IGSF21: variants seen among roughly 807,000 people sequenced by gnomAD.
IGSF21 encodes immunoglobin superfamily member 21.
A neutral mutation model predicts 46.8 loss-of-function variants in IGSF21; 28 were observed. That is an observed-to-expected ratio of 0.60 (90% CI 0.44 to 0.82). The LOEUF is 0.82. IGSF21 is among the 40% of genes least tolerant of loss of function. IGSF21 has a pLI of 0.00. For missense variants in IGSF21, 624 were observed against 665.5 expected (o/e 0.94, Z 0.69); for synonymous variants, 284 against 273.6 (o/e 1.04, Z -0.38).
chr1:18,259,085 T>A (rs2084917360), intron 2 of IGSF21, among the ~76,000 whole-genome samples: 1 of 151,848 alleles, frequency 6.6e-6, no homozygotes, highest in Non-Finnish European at 1.5e-5. Context: ...GGCCTTTAGG[T>A]GAATAAATAA....
At chr1:18,377,708 G>A (rs1355037852) in intron 9 of IGSF21, among the ~76,000 whole-genome samples, 2 of 152,208 alleles carry the variant, frequency 1.3e-5, no homozygotes, top group African/African-American at 4.8e-5. Context: ...GGCCCTCTTA[G>A]CTCAGAGCTT....
At chr1:18,280,522 T>G (rs959757458) in intron 2 of IGSF21, among the ~76,000 whole-genome samples, 1 of 152,200 alleles carries the variant, frequency 6.6e-6, no homozygotes, top group Non-Finnish European at 1.5e-5. Context: ...TTATAGCATG[T>G]GTACTATGTG....
intron 3 of IGSF21, among the ~76,000 whole-genome samples, chr1:18,298,438 C>T (rs1053818310): frequency 8.5e-5 from 13 of 152,132 alleles, no homozygotes; most frequent in Admixed American, 3.3e-4. Flanking sequence ...CTTGGAGGTC[C>T]GGGTGAATCA....
chr1:18,159,717 C>T (rs1351919892), intron 1 of IGSF21, among the ~76,000 whole-genome samples: 1 of 146,132 alleles, frequency 6.8e-6, no homozygotes, highest in Non-Finnish European at 1.5e-5. Flanking sequence ...GAGTCTCGCT[C>T]TGTCACCCAG....
intron 2 of IGSF21, among the ~76,000 whole-genome samples, chr1:18,263,480 C>T (rs551559648): frequency 6.6e-6 from 1 of 152,044 alleles, no homozygotes; most frequent in African/African-American, 2.4e-5. Flanking sequence ...TCATTTTTGC[C>T]TCTCACTCGC....
chr1:18,323,550 A>G (rs942200110), intron 3 of IGSF21, among the ~76,000 whole-genome samples: 3 of 152,204 alleles, frequency 2.0e-5, no homozygotes, highest in Non-Finnish European at 4.4e-5. Context: ...GAGCTAAGGC[A>G]GCTGGGCCGC....
intron 3 of IGSF21, among the ~76,000 whole-genome samples, chr1:18,330,351 T>C (rs893416586): frequency 3.3e-5 from 5 of 152,248 alleles, no homozygotes; most frequent in Admixed American, 3.3e-4. Flanking sequence ...TGTCAGATGG[T>C]AACAGGGGAA....
At chr1:18,331,488 A>C (rs916188619) in intron 3 of IGSF21, among the ~76,000 whole-genome samples, 4 of 152,206 alleles carry the variant, frequency 2.6e-5, no homozygotes, top group Admixed American at 1.3e-4. Flanking sequence ...TATATACCAC[A>C]GTTTTTTAAT....
In IGSF21 at chr1:18,298,948, T is replaced by A. The variant is rs145696517; in HGVS notation, c.305+6961T>A. 8.4e-3 allele frequency among the ~76,000 whole-genome samples: 1,276 copies of A among 152,212 alleles called. 15 individuals carry two copies. The highest frequency in any genetic ancestry group is 0.029 in the African/African-American group (1,202 of 41,516). ...AAAGGAACAATAAATATTTGTGGAA[T>A]GAAAAGAGAGAAAGGGGAGATAAAA... On this transcript the variant is annotated intron_variant, in intron 3 of 9. Transcript: ENST00000251296.
chr1:18,378,268 C>A lies in IGSF21; in HGVS notation c.1346C>A (p.Pro449His). 1 of 1,614,044 alleles carries A rather than the reference C, an allele frequency of 6.2e-7. No individual in the cohort carries two copies. The highest frequency in any genetic ancestry group is 8.5e-7 in the Non-Finnish European group (1 of 1,179,948). The change falls in exon 10 of 10, where the codon CCC becomes CAC. Residue 449 changes from proline (P) to histidine (H), a missense_variant. By Grantham distance (77) the Pro-to-His change is moderately conservative. Transcript: ENST00000251296. ...GTEDSNGSIGPTGARLTLVLA... is the reference protein window; with the variant it reads ...GTEDSNGSIGHTGARLTLVLA... ...ATTCCTGGCACAGGTTCCATTGGCC[C>A]CACTGGTGCCCGGCTCACCTTGGTG... is the stretch of plus-strand genomic sequence containing the variant.
chr1:18,182,927 AC>A (rs1481123045), intron 1 of IGSF21, among the ~76,000 whole-genome samples: 1 of 152,112 alleles, frequency 6.6e-6, no homozygotes, highest in Admixed American at 6.5e-5. Flanking sequence ...GATGAATCAC[AC>A]GAGGCCTGGT....
chr1:18,178,947 C>G (rs79291157), intron 1 of IGSF21: 1 of 152,004 alleles, frequency 6.6e-6, no homozygotes, highest in Non-Finnish European at 1.5e-5. Flanking sequence ...CAGAAGCCTC[C>G]GACAGCTGAG....
chr1:18,280,796 A>G lies in IGSF21; in HGVS notation c.184-11070A>G, dbSNP rs545433721. ...TTGTCCTGAACCCCCCTCACTCTCT[A>G]CCCAAGCCTTGCCTTCTTGTTGATG... On this transcript the variant is annotated intron_variant, in intron 2 of 9. Transcript: ENST00000251296. Among the ~76,000 whole-genome samples the G allele has an allele frequency of 2.7e-5, 4 of 150,378 alleles. No homozygotes were observed. In the South Asian group the frequency reaches 8.6e-4, roughly 32 times the overall value.
chr1:18,223,686 G>C (rs1373636066), intron 1 of IGSF21, among the ~76,000 whole-genome samples: 1 of 152,236 alleles, frequency 6.6e-6, no homozygotes, highest in Non-Finnish European at 1.5e-5. Flanking sequence ...AGAGGCAGAT[G>C]TGCAAACAGA....
intron 1 of IGSF21, among the ~76,000 whole-genome samples, chr1:18,225,081 T>TCACACACA (rs1254329422): frequency 3.2e-5 from 1 of 31,136 alleles, no homozygotes; most frequent in African/African-American, 5.8e-5. Flanking sequence ...TCTCTCTCTC[T>TCACACACA]CTCTCACACA....
intron 2 of IGSF21, among the ~76,000 whole-genome samples, chr1:18,254,032 A>G (rs1353165417): frequency 2.0e-5 from 3 of 152,212 alleles, no homozygotes; most frequent in African/African-American, 4.8e-5. Flanking sequence ...TAAGCATTTT[A>G]GACGTGATCT....
In IGSF21 at chr1:18,334,788, G is replaced by T. The variant is rs980808471; in HGVS notation, c.306-104G>T. ...CAGCCCAGCACACAGGCCTGTGTTT[G>T]TTAGTGGAGGCTGCACCAGTGGGCA... On this transcript the variant is annotated intron_variant, in intron 3 of 9. Transcript: ENST00000251296. The surrounding 1 kb of genome is among the most constrained non-coding windows in gnomAD (Gnocchi z 4.3). 7.5e-6 allele frequency: 6 copies of T among 804,840 alleles called. No individual in the cohort carries two copies. The highest frequency in any genetic ancestry group is 1.7e-5 in the African/African-American group (1 of 59,744). The allele number at this position is 804,840 out of a possible 1,614,324, so 49.9% of individuals were successfully genotyped here. A position where few individuals can be genotyped will look rare whatever the true frequency, so the allele number is the denominator to read the frequency against.
intron 3 of IGSF21, among the ~76,000 whole-genome samples, chr1:18,313,942 G>A (rs955187325): frequency 1.4e-4 from 21 of 152,240 alleles, no homozygotes; most frequent in Non-Finnish European, 2.1e-4. Flanking sequence ...TATTACAGCC[G>A]TCTCAGGAAG....
chr1:18,184,220 T>C (rs2086882073), intron 1 of IGSF21, among the ~76,000 whole-genome samples: 1 of 152,142 alleles, frequency 6.6e-6, no homozygotes, highest in South Asian at 2.1e-4. Context: ...TCTCACAGAG[T>C]GAGCACTTAT....
Sources: gnomAD v4.1 joint callset for allele counts (sites outside exome capture counted in the v4.1 genomes callset) on GRCh38, gnomAD v4.1.1 for gene constraint, Gnocchi (gnomAD v3.1) non-coding constraint, MANE v1.5 for transcripts, NCBI Gene and HGNC (gene_info 2026-07-23, HGNC 2026-07-21) for gene names.